The following RSPO2 variants were observed in gnomAD, a reference collection of about 807,000 sequenced individuals.
The protein encoded by RSPO2 is R-spondin-2.
RSPO2 carries 14 observed loss-of-function variants against 30.9 expected under a neutral mutation model. The ratio of observed to expected loss-of-function variants is 0.45; its 90% CI spans 0.30 to 0.71. The LOEUF is 0.71. Ranked by LOEUF, RSPO2 falls within the 30% of genes least tolerant of loss-of-function variation. RSPO2 has a pLI of 0.08. For missense variants in RSPO2, 264 were observed against 301.9 expected (o/e 0.87, Z 0.93); for synonymous variants, 107 against 96.4 (o/e 1.11, Z -0.64).
intron 3 of RSPO2, among the ~76,000 whole-genome samples, chr8:107,981,467 G>A (rs1043491209): frequency 2.0e-5 from 3 of 152,106 alleles, no homozygotes; most frequent in Non-Finnish European, 4.4e-5. Flanking sequence ...GTTACAGTGA[G>A]CTGAGACCAA....
rs373558232 is a variant in RSPO2 at position 107,921,329 on chromosome 8, AGAG to A, written c.617-20142_617-20140del. Among the ~76,000 whole-genome samples the A allele has an allele frequency of 3.7e-3, 561 of 151,898 alleles. 3 individuals are homozygous for A. The highest frequency in any genetic ancestry group is 0.013 in the African/African-American group (541 of 41,454). On this transcript the variant is annotated intron_variant, in intron 5 of 5. Coordinates refer to ENST00000276659, the MANE Select transcript of RSPO2 (RefSeq NM_178565.5). ...ACACACTCCCCTTTAGAAAAAAAGA[AGAG>A]AAGAAAAAATTTACTCTTCCATTGT...
intron 2 of RSPO2, among the ~76,000 whole-genome samples, chr8:108,011,945 T>C (rs1810722716): frequency 6.6e-6 from 1 of 152,222 alleles, no homozygotes; most frequent in African/African-American, 2.4e-5. Context: ...TGAAAGAGTA[T>C]GTGTGTTTAA....
chr8:108,057,395 T>C (rs1812290099), intron 2 of RSPO2, among the ~76,000 whole-genome samples: 1 of 152,174 alleles, frequency 6.6e-6, no homozygotes, highest in African/African-American at 2.4e-5. Flanking sequence ...AGTGTTGTTC[T>C]CTATTTTTCA....
chr8:108,061,284 A>G (rs1205588682), intron 2 of RSPO2, among the ~76,000 whole-genome samples: 1 of 152,002 alleles, frequency 6.6e-6, no homozygotes, highest in African/African-American at 2.4e-5. Flanking sequence ...TGTATTCAGG[A>G]GACCCATCTC....
intron 4 of RSPO2, 58 bp downstream of exon 4, chr8:107,960,616 A>C: frequency 6.6e-7 from 1 of 1,519,510 alleles, no homozygotes; most frequent in Non-Finnish European, 9.0e-7. Context: ...GCATATTTTT[A>C]AGAAACAAGT....
chr8:108,046,628 C>T (rs969673600), intron 2 of RSPO2, among the ~76,000 whole-genome samples: 3 of 151,860 alleles, frequency 2.0e-5, no homozygotes, highest in Admixed American at 6.6e-5. Context: ...GCATCATTTG[C>T]AAACAAACAA....
At chr8:107,912,850 G>A (rs1232091377) in intron 5 of RSPO2, among the ~76,000 whole-genome samples, 4 of 152,128 alleles carry the variant, frequency 2.6e-5, no homozygotes, top group Admixed American at 6.6e-5. Flanking sequence ...TTTTCTTTTA[G>A]ATGCTGAGTT....
intron 2 of RSPO2, among the ~76,000 whole-genome samples, chr8:108,012,337 G>A (rs903910234): frequency 2.0e-5 from 3 of 152,208 alleles, no homozygotes; most frequent in Admixed American, 2.0e-4. Context: ...GCAGAATCAC[G>A]GGCCTCACTC....
At chr8:108,063,270 A>G (rs1164973931) in intron 2 of RSPO2, among the ~76,000 whole-genome samples, 1 of 151,874 alleles carries the variant, frequency 6.6e-6, no homozygotes, top group Non-Finnish European at 1.5e-5. Context: ...ATGATTGTAT[A>G]TCTAGAAAAC....
At position 107,901,165 on chromosome 8, in the gene RSPO2, CTCCTTCGCCTTT is replaced by C; in HGVS notation, c.630_641del (p.Ala212_Lys215del). On this transcript the variant is annotated inframe_deletion, in exon 6 of 6. Coordinates refer to ENST00000276659, the MANE Select transcript of RSPO2 (RefSeq NM_178565.5). ...TCCTTTTCTTTTTCTTGTTCCTCTT[CTCCTTCGCCTTT>C]GGTGTTCTCTTCCCTGCAATGAAGG... 2 of 1,613,852 alleles carry C rather than the reference CTCCTTCGCCTTT, an allele frequency of 1.2e-6. No individual in the cohort carries two copies. The highest frequency in any genetic ancestry group is 1.7e-6 in the Non-Finnish European group (2 of 1,179,914).
chr8:107,919,400 G>T (rs1025289272), intron 5 of RSPO2, among the ~76,000 whole-genome samples: 2 of 152,110 alleles, frequency 1.3e-5, no homozygotes, highest in African/African-American at 4.8e-5. Flanking sequence ...AAACAAAGAC[G>T]ATAATAGCCC....
At chr8:107,963,557 T>C (rs2437005) in intron 3 of RSPO2, among the ~76,000 whole-genome samples, 57,288 of 109,686 alleles carry the variant, frequency 0.52, 18,448 homozygotes, top group East Asian at 0.76. Context: ...AAAAGGCAGG[T>C]TGCAAGATAT....
chr8:107,963,603 G>A (rs905022723), intron 3 of RSPO2, among the ~76,000 whole-genome samples: 4 of 149,324 alleles, frequency 2.7e-5, no homozygotes, highest in South Asian at 2.1e-4. Flanking sequence ...GTATGTGTGC[G>A]TGTGTTCATG....
chr8:107,950,775 A>G (rs2130407093), intron 5 of RSPO2, among the ~76,000 whole-genome samples: 1 of 151,386 alleles, frequency 6.6e-6, no homozygotes, highest in Admixed American at 6.6e-5. Context: ...AAAAAATTTG[A>G]CACCTCTGTT....
intron 5 of RSPO2, among the ~76,000 whole-genome samples, chr8:107,914,470 A>T (rs544356709): frequency 4.6e-5 from 7 of 152,248 alleles, no homozygotes; most frequent in African/African-American, 1.7e-4. Context: ...GGTAAAAAAA[A>T]AAAAATACCT....
chr8:108,004,729 T>C (rs1409600220), intron 2 of RSPO2, among the ~76,000 whole-genome samples: 1 of 152,206 alleles, frequency 6.6e-6, no homozygotes, highest in African/African-American at 2.4e-5. Context: ...ATATGTAATA[T>C]ATGTGTGTAT....
intron 2 of RSPO2, among the ~76,000 whole-genome samples, chr8:108,053,213 A>C (rs1176031496): frequency 6.6e-6 from 1 of 152,156 alleles, no homozygotes; most frequent in Non-Finnish European, 1.5e-5. Context: ...AAAGGCACCC[A>C]CAGTTAGCAG....
chr8:107,905,229 A>C (rs757543590), intron 5 of RSPO2, among the ~76,000 whole-genome samples: 3 of 152,076 alleles, frequency 2.0e-5, no homozygotes, highest in African/African-American at 4.8e-5. Flanking sequence ...TTTCTTGTAC[A>C]TCCCTCAGAG....
intron 2 of RSPO2, among the ~76,000 whole-genome samples, chr8:108,046,034 CA>C (rs1234236642): frequency 6.6e-6 from 1 of 152,026 alleles, no homozygotes; most frequent in African/African-American, 2.4e-5. Context: ...CTTAGAGAGC[CA>C]AAAAGCCAAG....
Sources: allele counts gnomAD v4.1 joint callset (sites outside exome capture counted in the v4.1 genomes callset), GRCh38; gene constraint gnomAD v4.1.1; transcripts MANE v1.5; gene names NCBI Gene and HGNC (gene_info 2026-07-23, HGNC 2026-07-21).